ABCA13: variants seen among roughly 807,000 people sequenced by gnomAD.
ABCA13 encodes ATP binding cassette subfamily A member 13.
A neutral mutation model predicts 478.7 loss-of-function variants in ABCA13; 476 were observed. The ratio of observed to expected loss-of-function variants is 0.99; its 90% CI spans 0.92 to 1.07. The LOEUF (loss-of-function observed/expected upper bound fraction) is 1.07. Among genes scored for constraint, ABCA13 ranks in the 50% least tolerant of loss-of-function variants. The probability of loss-of-function intolerance (pLI) is 0.00; values close to 1 mark genes in which losing one functional copy is unlikely to be tolerated. For missense variants in ABCA13, 6,060 were observed against 5,910.6 expected, an observed-to-expected ratio of 1.03 and a Z score of -0.83; for synonymous variants, 2,252 against 2,158.9, an observed-to-expected ratio of 1.04 and a Z score of -1.20.
At chr7:48,335,184 C>T (rs949829750) in intron 27 of ABCA13, among the ~76,000 whole-genome samples, 5 of 152,078 alleles carry the variant, frequency 3.3e-5, no homozygotes, top group African/African-American at 9.7e-5. Context: ...CTAACACTGG[C>T]GAGACAGCAG....
At chr7:48,526,294 T>A (rs984034470) in intron 54 of ABCA13, among the ~76,000 whole-genome samples, 3 of 152,074 alleles carry the variant, frequency 2.0e-5, no homozygotes, top group Non-Finnish European at 4.4e-5. Context: ...GCCTTCACTT[T>A]GGGGTATTAT....
intron 58 of ABCA13, among the ~76,000 whole-genome samples, chr7:48,600,493 C>T (rs1265827329): frequency 6.6e-6 from 1 of 151,878 alleles, no homozygotes; most frequent in Non-Finnish European, 1.5e-5. Flanking sequence ...TTTCTTGTAT[C>T]TGTTTCTACT....
At chr7:48,496,196 T>A (rs1830261244) in intron 48 of ABCA13, among the ~76,000 whole-genome samples, 1 of 148,150 alleles carries the variant, frequency 6.7e-6, no homozygotes, top group African/African-American at 2.6e-5. Flanking sequence ...TACTTGAGCA[T>A]TTTTTTTGAT....
chr7:48,512,788 A>T (rs1831805141), intron 51 of ABCA13, among the ~76,000 whole-genome samples: 1 of 152,204 alleles, frequency 6.6e-6, no homozygotes, highest in African/African-American at 2.4e-5. Context: ...TTTTTCAAAG[A>T]ATTTCTGGAG....
rs768655642 is a variant in ABCA13 at position 48,516,754 on chromosome 7, T to C, written c.13670T>C (p.Met4557Thr). Residue 4557 changes from methionine to threonine, a missense_variant, in exon 52 of 62, where the codon ATG (methionine) becomes ACG (threonine). Coordinates refer to ENST00000435803, the MANE Select transcript of ABCA13 (RefSeq NM_152701.5). Reference protein sequence around the residue: ...GYATLPWMYLMSRIFSSSDVA... With the variant: ...GYATLPWMYLTSRIFSSSDVA... ...GCAACTCTTCCATGGATGTACCTGA[T>C]GTCCAGAATCTTTTCCAGTTCGGAC... is the stretch of plus-strand genomic sequence containing the variant. 26 of 1,613,836 alleles carry C rather than the reference T, an allele frequency of 1.6e-5. No homozygotes were observed. The East Asian group carries it at 3.8e-4, about 24-fold the overall frequency.
intron 35 of ABCA13, among the ~76,000 whole-genome samples, chr7:48,377,527 T>A (rs1439033877): frequency 6.6e-6 from 1 of 152,156 alleles, no homozygotes. Flanking sequence ...TGAAAACACA[T>A]TCCAGACTTG....
intron 46 of ABCA13, 55 bp downstream of exon 46, chr7:48,481,209 T>A (rs1304838822): frequency 6.5e-6 from 9 of 1,377,166 alleles, no homozygotes; most frequent in African/African-American, 2.9e-5. Context: ...ATGGAAAACT[T>A]ATTGTTTTAA....
chr7:48,419,654 T>C (rs1310358999), intron 41 of ABCA13, among the ~76,000 whole-genome samples: 1 of 152,224 alleles, frequency 6.6e-6, no homozygotes, highest in Non-Finnish European at 1.5e-5. Flanking sequence ...AACAAGTTGT[T>C]CAATTACTTT....
At chr7:48,549,126 C>T (rs1025563426) in intron 55 of ABCA13, among the ~76,000 whole-genome samples, 1 of 151,556 alleles carries the variant, frequency 6.6e-6, no homozygotes, top group Non-Finnish European at 1.5e-5. Context: ...ATACATATGC[C>T]GTGGTGGTTT....
At chr7:48,346,833 A>G (rs1011735391) in intron 29 of ABCA13, among the ~76,000 whole-genome samples, 8 of 152,248 alleles carry the variant, frequency 5.3e-5, no homozygotes, top group Admixed American at 2.6e-4. Context: ...CCATGGGAGC[A>G]AAGCCATGTC....
At chr7:48,530,805 C>A (rs542186354) in intron 55 of ABCA13, among the ~76,000 whole-genome samples, 110 of 152,206 alleles carry the variant, frequency 7.2e-4, no homozygotes, top group South Asian at 1.9e-3. Flanking sequence ...ATTGTCTATT[C>A]ATGTCCTTAG....
rs77983948 is a variant in ABCA13, at chr7:48,456,561, T to A, written c.12815+1275T>A. ...TACTGGGATAATCTGCCACATGATATACATAATACTTGTATCTACATGCAT... is the reference window on the plus strand; with the variant it reads ...TACTGGGATAATCTGCCACATGATAAACATAATACTTGTATCTACATGCAT... On this transcript the variant is annotated intron_variant, in intron 43 of 61. Transcript: ENST00000435803. Among the ~76,000 whole-genome samples, 1,029 of 152,366 alleles carry A rather than the reference T, an allele frequency of 6.8e-3. 11 individuals carry two copies. Among genetic ancestry groups the A allele is most frequent in the African/African-American group, 0.023 (963 of 41,584 alleles).
At chr7:48,321,875 G>A (rs1021870874) in intron 27 of ABCA13, among the ~76,000 whole-genome samples, 15 of 152,308 alleles carry the variant, frequency 9.8e-5, no homozygotes, top group African/African-American at 3.1e-4. Context: ...ACAGGCAGAC[G>A]AGGCACATGG....
chr7:48,338,996 GAGA>G (rs1806700728), intron 29 of ABCA13, among the ~76,000 whole-genome samples: 1 of 152,200 alleles, frequency 6.6e-6, no homozygotes, highest in African/African-American at 2.4e-5. Flanking sequence ...ATGCAGTGCA[GAGA>G]AGAAGATGAC....
intron 19 of ABCA13, among the ~76,000 whole-genome samples, chr7:48,285,510 C>A (rs1797609706): frequency 3.3e-5 from 5 of 152,164 alleles, no homozygotes; most frequent in Admixed American, 3.3e-4. Context: ...ATGTGAGGCA[C>A]ATGGAGGCCA....
chr7:48,590,388 C>T lies in ABCA13; in HGVS notation c.14640+3100C>T, dbSNP rs1326789889. ...CACATTTTCTTTTCCCATTTATACA[C>T]TTAGGGATGCTTAGGTTGTTTCTAT... On this transcript the variant is annotated intron_variant, in intron 57 of 61. Coordinates refer to ENST00000435803, the MANE Select transcript of ABCA13 (RefSeq NM_152701.5). Among the ~76,000 whole-genome samples the T allele has an allele frequency of 5.3e-5, 8 of 152,040 alleles. No individual in the cohort carries two copies. The East Asian group carries it at 1.5e-3, about 29-fold the overall frequency.
intron 29 of ABCA13, among the ~76,000 whole-genome samples, chr7:48,346,725 A>G (rs1808165127): frequency 6.6e-6 from 1 of 152,198 alleles, no homozygotes; most frequent in African/African-American, 2.4e-5. Context: ...CAGCAATTTC[A>G]TGGGTAATTT....
chr7:48,224,276 T>C (rs756282012), intron 5 of ABCA13, among the ~76,000 whole-genome samples: 5 of 152,148 alleles, frequency 3.3e-5, no homozygotes, highest in Non-Finnish European at 7.4e-5. Flanking sequence ...AACAACCCCA[T>C]TGCAACCCAC....
At chr7:48,266,802 C>T (rs111568297) in intron 15 of ABCA13, among the ~76,000 whole-genome samples, 2,182 of 151,850 alleles carry the variant, frequency 0.014, 21 homozygotes, top group Middle Eastern at 0.054. Context: ...ATTTTGTTTT[C>T]TAATGTAGGT....
Sources: allele counts gnomAD v4.1 joint callset (sites outside exome capture counted in the v4.1 genomes callset), GRCh38; gene constraint gnomAD v4.1.1; transcripts MANE v1.5; gene names NCBI Gene and HGNC (gene_info 2026-07-23, HGNC 2026-07-21).